Variants in LSAMP observed in about 807,000 individuals in gnomAD.
LSAMP encodes limbic system-associated membrane protein.
In LSAMP, 7 loss-of-function variants were observed where a neutral mutation model predicts 38.6. The observed-to-expected ratio is 0.18, with a 90% confidence interval of 0.10 to 0.34. The LOEUF (loss-of-function observed/expected upper bound fraction) is 0.34, where lower values mean the gene tolerates loss of function less well. Among genes scored for constraint, LSAMP ranks in the 10% least tolerant of loss-of-function variants. The pLI is 1.00. For missense variants in LSAMP, 313 were observed against 420.0 expected (o/e 0.75, Z 2.23); for synonymous variants, 154 against 166.8 (o/e 0.92, Z 0.59).
In LSAMP at chr3:116,034,263, T is replaced by A. The variant is rs185107746; in HGVS notation, c.389-14623A>T. ...ATGCAGCAGCAGTGAGTAGGATTCC[T>A]GTTTTTATCGGTTCCAAACAGCTCC... On this transcript the variant is annotated intron_variant, in intron 2 of 6. Transcript: ENST00000490035. 5.9e-5 allele frequency among the ~76,000 whole-genome samples: 9 copies of A among 152,214 alleles called. No homozygotes were observed. In the East Asian group the frequency reaches 1.7e-3, roughly 29 times the overall value.
At chr3:116,232,130 T>C (rs951576289) in intron 1 of LSAMP, among the ~76,000 whole-genome samples, 1 of 152,164 alleles carries the variant, frequency 6.6e-6, no homozygotes, top group Admixed American at 6.5e-5. Flanking sequence ...TTTGGAGAAA[T>C]ACACATTAAA....
chr3:115,901,616 C>A (rs952222185), intron 3 of LSAMP, among the ~76,000 whole-genome samples: 2 of 152,120 alleles, frequency 1.3e-5, no homozygotes, highest in Non-Finnish European at 2.9e-5. Flanking sequence ...ACTCAGTAAT[C>A]GAAGTCAGAA....
intron 3 of LSAMP, among the ~76,000 whole-genome samples, chr3:115,976,520 A>G (rs947713811): frequency 1.3e-5 from 2 of 152,204 alleles, no homozygotes; most frequent in African/African-American, 4.8e-5. Context: ...AAGATTTCAG[A>G]AGCAATTTTA....
Position 116,102,442 on chromosome 3 carries a change from A to T in LSAMP, c.156-15886T>A, listed in dbSNP as rs566113534. 1.8e-3 allele frequency among the ~76,000 whole-genome samples: 274 copies of T among 152,310 alleles called. 1 individual carries two copies. The highest frequency in any genetic ancestry group is 5.7e-3 in the African/African-American group (239 of 41,572). On this transcript the variant is annotated intron_variant, in intron 1 of 6. Transcript: ENST00000490035. ...TAAGTGGTGCTTAGACAGTTGTTTAAACATTATTCCTGGATGTGTCTGTGA... is the reference window on the plus strand; with the variant it reads ...TAAGTGGTGCTTAGACAGTTGTTTATACATTATTCCTGGATGTGTCTGTGA...
intron 1 of LSAMP, among the ~76,000 whole-genome samples, chr3:116,177,439 G>C (rs1366127941): frequency 6.6e-6 from 1 of 152,004 alleles, no homozygotes; most frequent in African/African-American, 2.4e-5. Flanking sequence ...CACAAGGCAA[G>C]CAGGATATAG....
At chr3:115,969,369 G>T (rs139177771) in intron 3 of LSAMP, among the ~76,000 whole-genome samples, 23 of 152,246 alleles carry the variant, frequency 1.5e-4, no homozygotes, top group Admixed American at 5.9e-4. Flanking sequence ...TTAGAGTTTG[G>T]TATGTGTGTG....
intron 3 of LSAMP, among the ~76,000 whole-genome samples, chr3:115,984,219 CAAAG>C (rs1221703097): frequency 6.8e-6 from 1 of 148,048 alleles, no homozygotes; most frequent in Non-Finnish European, 1.5e-5. Context: ...GTGCTATTCA[CAAAG>C]AAAAAAAAAA....
chr3:115,907,774 T>TA (rs1256825124), intron 3 of LSAMP, among the ~76,000 whole-genome samples: 1 of 152,168 alleles, frequency 6.6e-6, no homozygotes, highest in Non-Finnish European at 1.5e-5. Flanking sequence ...TTAATCAAAG[T>TA]AAAATCACAG....
At position 115,810,197 on chromosome 3, in the gene LSAMP, G is replaced by A; in HGVS notation, c.*120C>T. On this transcript the variant is annotated 3_prime_UTR_variant, in exon 7 of 7. Transcript: ENST00000490035. ...CCCCCTTCATGTATAAACACACAAAGTTGTGAAATAAACGGTCTCCCCCAT... is the reference window on the plus strand; with the variant it reads ...CCCCCTTCATGTATAAACACACAAAATTGTGAAATAAACGGTCTCCCCCAT... The A allele has an allele frequency of 3.1e-6, 2 of 650,490 alleles. No homozygotes were observed. Among genetic ancestry groups the A allele is most frequent in the East Asian group, 2.8e-5 (1 of 35,478 alleles). The allele number at this position is 650,490 out of a possible 1,614,324, so 40.3% of individuals were successfully genotyped here.
In LSAMP at chr3:115,867,126, A is replaced by G. The variant is rs1935884771; in HGVS notation, c.515-14509T>C. ...AACACTGAGACAGAAAATCATTCTC[A>G]CTAACATATAAGTCTTGGTGGTCTT... On this transcript the variant is annotated intron_variant, in intron 3 of 6. Coordinates refer to ENST00000490035, the MANE Select transcript of LSAMP (RefSeq NM_002338.5). 2.6e-5 allele frequency among the ~76,000 whole-genome samples: 4 copies of G among 151,644 alleles called. No homozygotes were observed. The South Asian group carries it at 8.4e-4, about 32-fold the overall frequency.
intron 2 of LSAMP, among the ~76,000 whole-genome samples, chr3:116,032,575 A>C (rs919981004): frequency 6.6e-6 from 1 of 152,138 alleles, no homozygotes; most frequent in African/African-American, 2.4e-5. Context: ...TGGAAGGCTG[A>C]GGTGTGAAGC....
At chr3:116,424,278 C>G (rs899141611) in intron 1 of LSAMP, among the ~76,000 whole-genome samples, 9 of 152,098 alleles carry the variant, frequency 5.9e-5, no homozygotes, top group African/African-American at 2.2e-4. Context: ...TTTTGAAGTG[C>G]CTGTACATTG....
intron 1 of LSAMP, among the ~76,000 whole-genome samples, chr3:116,398,578 C>T (rs1342669582): frequency 1.3e-5 from 2 of 152,116 alleles, no homozygotes; most frequent in African/African-American, 4.8e-5. Context: ...ACCTAGACTA[C>T]ATGGGAAAAT....
chr3:116,100,074 A>G (rs1708311796), intron 1 of LSAMP, among the ~76,000 whole-genome samples: 1 of 112,872 alleles, frequency 8.9e-6, no homozygotes, highest in Non-Finnish European at 1.7e-5. Context: ...CCACAGAATT[A>G]TTATTTTTGG....
intron 3 of LSAMP, among the ~76,000 whole-genome samples, chr3:115,938,833 T>A (rs1279187800): frequency 6.6e-6 from 1 of 152,116 alleles, no homozygotes; most frequent in Non-Finnish European, 1.5e-5. Context: ...CTGAAGTGCA[T>A]TTTTTGTTTA....
intron 1 of LSAMP, among the ~76,000 whole-genome samples, chr3:116,122,981 A>G (rs1045640886): frequency 6.6e-6 from 1 of 152,244 alleles, no homozygotes; most frequent in Non-Finnish European, 1.5e-5. Context: ...AAGATACAAA[A>G]GAGGTACTAT....
intron 1 of LSAMP, among the ~76,000 whole-genome samples, chr3:116,253,197 A>C (rs1205027416): frequency 6.8e-6 from 1 of 146,104 alleles, no homozygotes; most frequent in Non-Finnish European, 1.5e-5. Context: ...TGCAACTTAA[A>C]TAAATACAGA....
At chr3:116,356,855 G>T (rs933528280) in intron 1 of LSAMP, among the ~76,000 whole-genome samples, 1 of 151,978 alleles carries the variant, frequency 6.6e-6, no homozygotes, top group Non-Finnish European at 1.5e-5. Flanking sequence ...GTGCAGTGGC[G>T]CCATCTCGGC....
intron 3 of LSAMP, among the ~76,000 whole-genome samples, chr3:116,003,803 A>T (rs530762822): frequency 6.6e-6 from 1 of 152,302 alleles, no homozygotes; most frequent in African/African-American, 2.4e-5. Context: ...AGTTACAAGA[A>T]GCTAGAAGAA....
Sources: gnomAD v4.1 joint callset for allele counts (sites outside exome capture counted in the v4.1 genomes callset) on GRCh38, gnomAD v4.1.1 for gene constraint, MANE v1.5 for transcripts, NCBI Gene and HGNC (gene_info 2026-07-23, HGNC 2026-07-21) for gene names.